Variants in ADAM2 observed in about 807,000 individuals in gnomAD.
ADAM2 encodes disintegrin and metalloproteinase domain-containing protein 2.
Under a neutral mutation model 99.3 loss-of-function variants are expected in ADAM2, and 101 were observed. That is an observed-to-expected ratio of 1.02 (90% CI 0.87 to 1.20). The LOEUF is 1.20. ADAM2 is among the 50% of genes most tolerant of loss of function. ADAM2 has a pLI of 0.00. For missense variants in ADAM2, 948 were observed against 878.7 expected, an observed-to-expected ratio of 1.08 and a Z score of -1.00; for synonymous variants, 323 against 287.6, an observed-to-expected ratio of 1.12 and a Z score of -1.25.
intron 6 of ADAM2, among the ~76,000 whole-genome samples, chr8:39,814,710 CAT>C (rs1491480861): frequency 1.3e-5 from 2 of 151,794 alleles, no homozygotes; most frequent in Non-Finnish European, 2.9e-5. Flanking sequence ...TGCGGGTGTC[CAT>C]GTGTGTGTGT....
rs1805911987 is a variant in ADAM2, at chr8:39,838,079, GAGAGTAGCGCTGAGGGTCCCAAAAGGCC to G, written c.55+24_55+51del. On this transcript the variant is annotated intron_variant, in intron 1 of 20. Transcript: ENST00000265708. ...TGTCAATGTAACTTGGAGGCAAAGG[GAGAGTAGCGCTGAGGGTCCCAAAAGGCC>G]AGAGGAGGGGTTTTTCTGCTTACTA... The G allele has an allele frequency of 2.5e-6, 4 of 1,586,780 alleles. No homozygotes were observed. The Admixed American group carries it at 5.0e-5, about 20-fold the overall frequency.
At chr8:39,770,480 T>G (rs1041128295) in intron 11 of ADAM2, among the ~76,000 whole-genome samples, 3 of 152,138 alleles carry the variant, frequency 2.0e-5, no homozygotes, top group Non-Finnish European at 2.9e-5. Flanking sequence ...AAAACACCCC[T>G]CACAAAGTAT....
chr8:39,822,202 A>G (rs1185698197), intron 4 of ADAM2, among the ~76,000 whole-genome samples: 4 of 152,126 alleles, frequency 2.6e-5, no homozygotes, highest in African/African-American at 9.6e-5. Flanking sequence ...TTTATCACCA[A>G]TTGGGGTATA....
chr8:39,788,310 T>C (rs144577202), intron 8 of ADAM2, 59 bp from the exon 9 acceptor site: 4 of 1,124,798 alleles, frequency 3.6e-6, no homozygotes, highest in Non-Finnish European at 3.6e-6. Context: ...AAATTAGATA[T>C]ATATGTTTGA....
intron 14 of ADAM2, among the ~76,000 whole-genome samples, chr8:39,766,609 T>C (rs1239560539): frequency 6.6e-6 from 1 of 152,080 alleles, no homozygotes; most frequent in African/African-American, 2.4e-5. Flanking sequence ...GTTTTTGTCA[T>C]GTTGGCCAGG....
intron 7 of ADAM2, among the ~76,000 whole-genome samples, chr8:39,801,200 G>A (rs1368630944): frequency 4.6e-5 from 7 of 152,110 alleles, no homozygotes; most frequent in Non-Finnish European, 7.4e-5. Context: ...TGAGGTTTTT[G>A]TGGGGGCCTT....
chr8:39,757,167 C>A (rs1274168583), intron 15 of ADAM2, among the ~76,000 whole-genome samples: 1 of 152,066 alleles, frequency 6.6e-6, no homozygotes, highest in South Asian at 2.1e-4. Flanking sequence ...AACTGGCATA[C>A]TCCACAATTT....
chr8:39,814,273 C>T (rs945701147), intron 6 of ADAM2, among the ~76,000 whole-genome samples: 1 of 151,628 alleles, frequency 6.6e-6, no homozygotes, highest in Non-Finnish European at 1.5e-5. Context: ...GCAGGAGAAT[C>T]GCTTGAAACT....
At chr8:39,814,361 A>G (rs1446880353) in intron 6 of ADAM2, among the ~76,000 whole-genome samples, 2 of 145,284 alleles carry the variant, frequency 1.4e-5, no homozygotes, top group Non-Finnish European at 3.0e-5. Context: ...TCTGTCTCAG[A>G]AAAAAAAAAA....
At chr8:39,827,973 A>G (rs1805476245) in intron 3 of ADAM2, among the ~76,000 whole-genome samples, 1 of 152,074 alleles carries the variant, frequency 6.6e-6, no homozygotes, top group South Asian at 2.1e-4. Context: ...CGAACTGTTT[A>G]TATATAATTT....
chr8:39,833,709 T>C (rs1805706551), intron 3 of ADAM2, among the ~76,000 whole-genome samples: 1 of 152,094 alleles, frequency 6.6e-6, no homozygotes, highest in Non-Finnish European at 1.5e-5. Context: ...ATGAAACCTC[T>C]TGGATCACCA....
chr8:39,796,302 T>C (rs1803941816), intron 7 of ADAM2, among the ~76,000 whole-genome samples: 1 of 152,196 alleles, frequency 6.6e-6, no homozygotes, highest in Non-Finnish European at 1.5e-5. Context: ...TTTGGTTTTC[T>C]GTTCCTGTGT....
chr8:39,815,018 A>G (rs922944377), intron 6 of ADAM2, among the ~76,000 whole-genome samples: 1 of 152,004 alleles, frequency 6.6e-6, no homozygotes, highest in Non-Finnish European at 1.5e-5. Context: ...AGTTCTAGGG[A>G]ATTTTTACTT....
chr8:39,799,823 TA>T (rs1804127566), intron 7 of ADAM2, among the ~76,000 whole-genome samples: 1 of 152,242 alleles, frequency 6.6e-6, no homozygotes, highest in Non-Finnish European at 1.5e-5. Context: ...TTTGTTGGTT[TA>T]AAGTCTGTTT....
chr8:39,826,540 G>A (rs1805408792), intron 3 of ADAM2, among the ~76,000 whole-genome samples: 1 of 151,950 alleles, frequency 6.6e-6, no homozygotes, highest in African/African-American at 2.4e-5. Flanking sequence ...TGGCTAAAAT[G>A]GTGAAACCCC....
At chr8:39,837,578 G>GA (rs1211140848) in intron 1 of ADAM2, among the ~76,000 whole-genome samples, 3 of 151,920 alleles carry the variant, frequency 2.0e-5, no homozygotes, top group Non-Finnish European at 4.4e-5. Flanking sequence ...AGTAGAGGGG[G>GA]ATTTCACCAT....
At chr8:39,752,848 T>C (rs894265624) in intron 16 of ADAM2, among the ~76,000 whole-genome samples, 1 of 152,166 alleles carries the variant, frequency 6.6e-6, no homozygotes, top group South Asian at 2.1e-4. Flanking sequence ...CATGCCTTTG[T>C]TCCTCCTTTG....
At position 39,833,951 on chromosome 8, in the gene ADAM2, T is replaced by C. The variant is rs2129589386; in HGVS notation, c.181A>G (p.Met61Val). Residue 61 changes from methionine to valine, a missense_variant, in exon 3 of 21, where the codon ATG becomes GTG. Met to Val is a conservative substitution (Grantham distance 21). Coordinates refer to ENST00000265708, the MANE Select transcript of ADAM2 (RefSeq NM_001464.5). Reference sequence around the variant, plus strand: ...ATAATGATGATTACCTACTTTTGCATTAAATTCACAGTATATGGTTTCCCT... The same window carrying C: ...ATAATGATGATTACCTACTTTTGCACTAAATTCACAGTATATGGTTTCCCT... The part of the protein sequence containing the change: ...IEGKPYTVNL[M>V]QKNFLPHNFR... The C allele has an allele frequency of 6.5e-7, 1 of 1,536,426 alleles. No individual in the cohort carries two copies. The highest frequency in any genetic ancestry group is 2.3e-5 in the East Asian group (1 of 44,242).
At chr8:39,781,069 C>A (rs538972647) in intron 10 of ADAM2, among the ~76,000 whole-genome samples, 1 of 150,044 alleles carries the variant, frequency 6.7e-6, no homozygotes, top group Admixed American at 6.7e-5. Flanking sequence ...AGTGCAGTGG[C>A]GCCATCTTGG....
Sources: gnomAD v4.1 joint callset for allele counts (sites outside exome capture counted in the v4.1 genomes callset) on GRCh38, gnomAD v4.1.1 for gene constraint, MANE v1.5 for transcripts, NCBI Gene and HGNC (gene_info 2026-07-23, HGNC 2026-07-21) for gene names.